LRP1B: variants seen among roughly 807,000 people sequenced by gnomAD.
LRP1B encodes the protein LDL receptor related protein 1B.
A neutral mutation model predicts 556.6 loss-of-function variants in LRP1B; 217 were observed. The ratio of observed to expected loss-of-function variants is 0.39; its 90% CI spans 0.35 to 0.44. The LOEUF is 0.44. Ranked by LOEUF, LRP1B falls within the 20% of genes least tolerant of loss-of-function variation. The pLI, the probability that LRP1B is intolerant of heterozygous loss-of-function variation, is 1.00. For synonymous variants in LRP1B, 2,047 were observed against 1,865.8 expected (o/e 1.10, Z -2.50); for missense variants, 5,053 against 5,620.8 (o/e 0.90, Z 3.23).
chr2:141,460,209 G>A (rs957182390), intron 3 of LRP1B, among the ~76,000 whole-genome samples: 1 of 152,030 alleles, frequency 6.6e-6, no homozygotes, highest in Admixed American at 6.6e-5. Flanking sequence ...ATCATCCAAG[G>A]TAATCAATTT....
chr2:140,984,600 T>A (rs1696864246), intron 17 of LRP1B, among the ~76,000 whole-genome samples: 1 of 152,114 alleles, frequency 6.6e-6, no homozygotes, highest in Non-Finnish European at 1.5e-5. Context: ...GAGAGGAAAA[T>A]GAGAAAGAAC....
At chr2:140,394,124 A>ATTTTTTTTT (rs34965660) in intron 66 of LRP1B, among the ~76,000 whole-genome samples, 1 of 122,508 alleles carries the variant, frequency 8.2e-6, no homozygotes, top group African/African-American at 3.1e-5. Flanking sequence ...ACTGGCACAT[A>ATTTTTTTTT]TTTTTTTTTT....
intron 1 of LRP1B, among the ~76,000 whole-genome samples, chr2:142,086,636 C>CAAAA (rs1320332486): frequency 0.031 from 1,480 of 48,088 alleles, 25 homozygotes; most frequent in African/African-American, 0.072. Context: ...AACAAACAAA[C>CAAAA]AAACAAAAAA....
intron 1 of LRP1B, among the ~76,000 whole-genome samples, chr2:142,093,241 T>A (rs116431409): frequency 0.038 from 5,708 of 152,202 alleles, 188 homozygotes; most frequent in Non-Finnish European, 0.052. Context: ...ATGAGTTTCC[T>A]GAGAACAAGG....
intron 32 of LRP1B, among the ~76,000 whole-genome samples, chr2:140,791,064 G>A (rs1690102897): frequency 1.3e-5 from 2 of 151,820 alleles, no homozygotes; most frequent in African/African-American, 4.8e-5. Context: ...GACCATCCTG[G>A]CCAACATGGT....
chr2:141,939,497 G>C (rs1167199312), intron 1 of LRP1B, among the ~76,000 whole-genome samples: 1 of 151,896 alleles, frequency 6.6e-6, no homozygotes, highest in Non-Finnish European at 1.5e-5. Context: ...GCTTGTGAGA[G>C]ATAATTACAA....
In LRP1B at chr2:142,127,247, C is replaced by T. The variant is rs186699985; in HGVS notation, c.82+3401G>A. On this transcript the variant is annotated intron_variant, in intron 1 of 90. Transcript: ENST00000389484. ...GCACTTTCCTTAAATTATTTTTATA[C>T]TGTAAATATTTTCATATAATGTTTT... 3.4e-3 allele frequency among the ~76,000 whole-genome samples: 520 copies of T among 151,906 alleles called. 1 individual carries two copies. Among genetic ancestry groups the T allele is most frequent in the Non-Finnish European group, 3.9e-3 (264 of 67,810 alleles).
chr2:140,778,485 G>T (rs891548124), intron 32 of LRP1B, among the ~76,000 whole-genome samples: 2 of 151,978 alleles, frequency 1.3e-5, no homozygotes, highest in African/African-American at 2.4e-5. Context: ...AAATATTCAT[G>T]AATGCATTTT....
In LRP1B at chr2:141,986,107, C is replaced by T. The variant is rs553873197; in HGVS notation, c.82+144541G>A. 4.6e-5 allele frequency among the ~76,000 whole-genome samples: 7 copies of T among 151,918 alleles called. No homozygotes were observed. The South Asian group carries it at 1.2e-3, about 27-fold the overall frequency. On this transcript the variant is annotated intron_variant, in intron 1 of 90. Transcript: ENST00000389484. ...TTCATATCTAAAATTAAGAGCTAAA[C>T]ATCTGAGGCCCTAAATTCTTATTAT...
chr2:140,287,563 A>G (rs1301278574), intron 84 of LRP1B, among the ~76,000 whole-genome samples: 2 of 151,660 alleles, frequency 1.3e-5, no homozygotes, highest in East Asian at 1.9e-4. Flanking sequence ...AATAAAATAC[A>G]AATTGTTTTG....
chr2:141,250,671 G>T (rs1447168510), intron 4 of LRP1B, among the ~76,000 whole-genome samples: 1 of 152,152 alleles, frequency 6.6e-6, no homozygotes, highest in Admixed American at 6.6e-5. Flanking sequence ...TGGTTCAGAG[G>T]TATAGGTGAG....
intron 3 of LRP1B, among the ~76,000 whole-genome samples, chr2:141,454,096 A>C (rs1050811210): frequency 5.9e-5 from 9 of 152,126 alleles, no homozygotes; most frequent in African/African-American, 2.2e-4. Context: ...TGCTTATATA[A>C]AAATATTGAA....
chr2:140,523,221 A>G (rs994871662), intron 49 of LRP1B, among the ~76,000 whole-genome samples: 3 of 152,052 alleles, frequency 2.0e-5, no homozygotes, highest in Admixed American at 6.6e-5. Flanking sequence ...TATTCCTGGG[A>G]TTCCAGGTCG....
chr2:140,763,854 C>T (rs928393070), intron 35 of LRP1B, among the ~76,000 whole-genome samples: 4 of 152,046 alleles, frequency 2.6e-5, no homozygotes, highest in Non-Finnish European at 5.9e-5. Flanking sequence ...CAAATCTATA[C>T]ACACTGTTCA....
chr2:140,627,454 T>C (rs2105267157), intron 41 of LRP1B, among the ~76,000 whole-genome samples: 1 of 152,254 alleles, frequency 6.6e-6, no homozygotes, highest in Admixed American at 6.5e-5. Flanking sequence ...CAAGTTCTTG[T>C]TCTTCAGCTT....
intron 6 of LRP1B, among the ~76,000 whole-genome samples, chr2:141,220,435 C>T (rs144213939): frequency 2.4e-4 from 37 of 151,966 alleles, no homozygotes; most frequent in African/African-American, 8.7e-4. Context: ...AAGGATAGGA[C>T]CTATGACTGA....
rs968122051 is a variant in LRP1B, at chr2:140,885,996, T to C, written c.3964+142A>G. 1.2e-5 allele frequency: 7 copies of C among 565,586 alleles called. No individual in the cohort carries two copies. The African/African-American group carries it at 1.3e-4, about 11-fold the overall frequency. The allele number at this position is 565,586 out of a possible 1,614,324, so 35.0% of individuals were successfully genotyped here. A position where few individuals can be genotyped will look rare whatever the true frequency, so the allele number is the denominator to read the frequency against. ...CAGGTGCTCACACAGATGCTCAATA[T>C]CCCTGATTTTACATATATGAGGGAG... On this transcript the variant is annotated intron_variant, in intron 24 of 90. Coordinates refer to ENST00000389484, the MANE Select transcript of LRP1B (RefSeq NM_018557.3).
chr2:142,096,047 T>C (rs904781239), intron 1 of LRP1B, among the ~76,000 whole-genome samples: 1 of 151,762 alleles, frequency 6.6e-6, no homozygotes, highest in Non-Finnish European at 1.5e-5. Flanking sequence ...TAACTATTTT[T>C]TGTGTTCCAG....
intron 2 of LRP1B, among the ~76,000 whole-genome samples, chr2:141,689,426 A>G (rs1691432395): frequency 6.6e-6 from 1 of 151,870 alleles, no homozygotes; most frequent in Non-Finnish European, 1.5e-5. Flanking sequence ...ATAAGGAGAA[A>G]AACAATCTAT....
Sources: gnomAD v4.1 joint callset for allele counts (sites outside exome capture counted in the v4.1 genomes callset) on GRCh38, gnomAD v4.1.1 for gene constraint, MANE v1.5 for transcripts, NCBI Gene and HGNC (gene_info 2026-07-23, HGNC 2026-07-21) for gene names.